The following CACNA1D variants were observed in gnomAD, a reference collection of about 807,000 sequenced individuals.
The protein encoded by CACNA1D is voltage-dependent L-type calcium channel subunit alpha-1D.
In CACNA1D, 55 loss-of-function variants were observed where a neutral mutation model predicts 257.1. The ratio of observed to expected loss-of-function variants is 0.21; its 90% CI spans 0.17 to 0.27. CACNA1D has a LOEUF of 0.27. CACNA1D is among the 10% of genes least tolerant of loss of function. The probability of loss-of-function intolerance (pLI) is 1.00; values close to 1 mark genes in which losing one functional copy is unlikely to be tolerated. For synonymous variants in CACNA1D, 980 were observed against 1,014.9 expected, an observed-to-expected ratio of 0.97 and a Z score of 0.65; for missense variants, 1,876 against 2,784.0, an observed-to-expected ratio of 0.67 and a Z score of 7.34.
At chr3:53,578,174 T>C (rs573565523) in intron 3 of CACNA1D, among the ~76,000 whole-genome samples, 14 of 150,826 alleles carry the variant, frequency 9.3e-5, no homozygotes, top group African/African-American at 3.4e-4. Context: ...AGGTGGAATA[T>C]GGGCAAGTGC....
intron 3 of CACNA1D, among the ~76,000 whole-genome samples, chr3:53,515,129 C>G (rs1337344917): frequency 6.6e-6 from 1 of 152,174 alleles, no homozygotes; most frequent in Non-Finnish European, 1.5e-5. Flanking sequence ...TGAAGCCTGC[C>G]TCTACATGGT....
At chr3:53,656,391 T>C (rs1414939193) in intron 4 of CACNA1D, among the ~76,000 whole-genome samples, 1 of 152,234 alleles carries the variant, frequency 6.6e-6, no homozygotes, top group Non-Finnish European at 1.5e-5. Flanking sequence ...TAATTGATAT[T>C]GAGTCTTCCT....
chr3:53,554,203 A>T (rs1490437953), intron 3 of CACNA1D, among the ~76,000 whole-genome samples: 2 of 152,058 alleles, frequency 1.3e-5, no homozygotes, highest in Non-Finnish European at 2.9e-5. Flanking sequence ...CTCAAAAAAA[A>T]AAAAAAGGTG....
At position 53,673,264 on chromosome 3, in the gene CACNA1D, G is replaced by C; in HGVS notation, c.1220+138G>C. The C allele has an allele frequency of 1.6e-6, 1 of 632,474 alleles. No individual in the cohort carries two copies. The highest frequency in any genetic ancestry group is 2.0e-5 in the South Asian group (1 of 50,050). 39.2% of individuals were successfully genotyped at this position (632,474 alleles called of 1,614,324 possible). On this transcript the variant is annotated intron_variant, in intron 8 of 47. Transcript: ENST00000350061. The surrounding 1 kb of genome is among the most constrained non-coding windows in gnomAD (Gnocchi z 4.1). The stretch of plus-strand genomic sequence containing the variant: ...CCTCTGAGATGCTTTCTTTTCTGCT[G>C]AGGCTTCCCAAATCAAGCTGTTTCC...
At chr3:53,702,846 C>A in intron 9 of CACNA1D, 36 bp downstream of exon 9, 1 of 1,612,202 alleles carries the variant, frequency 6.2e-7, no homozygotes, top group African/African-American at 1.3e-5. Flanking sequence ...GCTAGACAGA[C>A]CCAGTGTGCG....
chr3:53,739,164 G>A (rs976997625), intron 20 of CACNA1D, among the ~76,000 whole-genome samples: 1 of 152,210 alleles, frequency 6.6e-6, no homozygotes, highest in South Asian at 2.1e-4. Flanking sequence ...GTGACTCTTC[G>A]CTGGCATACG....
rs6147823 is a variant in CACNA1D, at chr3:53,782,264, G to GTGTGTATATATATA, written c.4792+598_4792+599insGTGTATATATATAT. ...AGTGTGTGTGTGTGTGTGTGTGTGTGTATATATATATATATATATATATAT... is the reference window on the plus strand; with the variant it reads ...AGTGTGTGTGTGTGTGTGTGTGTGTGTGTGTATATATATATATATATATATATATATATATATAT... On this transcript the variant is annotated intron_variant, in intron 39 of 47. Coordinates refer to ENST00000350061, the MANE Select transcript of CACNA1D (RefSeq NM_001128840.3). 433 of 75,428 alleles carry GTGTGTATATATATA rather than the reference G, an allele frequency of 5.7e-3. 3 individuals carry two copies. Among genetic ancestry groups the GTGTGTATATATATA allele is most frequent in the Admixed American group, 9.3e-3 (50 of 5,394 alleles). The allele number at this position is 75,428 out of a possible 1,614,324, so 4.7% of individuals were successfully genotyped here. A position where few individuals can be genotyped will look rare whatever the true frequency, so the allele number is the denominator to read the frequency against.
intron 3 of CACNA1D, among the ~76,000 whole-genome samples, chr3:53,580,073 C>T (rs1019927878): frequency 1.3e-5 from 2 of 152,200 alleles, no homozygotes; most frequent in Non-Finnish European, 2.9e-5. Context: ...ATGGCATTGC[C>T]CTACAACTGG....
intron 3 of CACNA1D, among the ~76,000 whole-genome samples, chr3:53,514,303 C>T (rs1050940598): frequency 4.0e-5 from 6 of 151,654 alleles, no homozygotes; most frequent in African/African-American, 1.5e-4. Flanking sequence ...GATGCCTAAA[C>T]ACCAAGCGGA....
chr3:53,728,993 A>C lies in CACNA1D; in HGVS notation c.2222-1449A>C, dbSNP rs182707165. On this transcript the variant is annotated intron_variant, in intron 15 of 47. Coordinates refer to ENST00000350061, the MANE Select transcript of CACNA1D (RefSeq NM_001128840.3). ...CATCACTCTGGATTTGCTTTCCACT[A>C]CCCAAAGGAGTTGAGTGTCATGGCA... Among the ~76,000 whole-genome samples, 455 of 152,232 alleles carry C rather than the reference A, an allele frequency of 3.0e-3. 3 individuals are homozygous for C. The highest frequency in any genetic ancestry group is 2.6e-3 in the Non-Finnish European group (175 of 68,012).
intron 3 of CACNA1D, among the ~76,000 whole-genome samples, chr3:53,520,309 GTCTA>G (rs923430535): frequency 2.0e-5 from 3 of 152,162 alleles, no homozygotes; most frequent in East Asian, 1.9e-4. Flanking sequence ...ACTTGTTATT[GTCTA>G]TCTTTTTAAT....
intron 3 of CACNA1D, among the ~76,000 whole-genome samples, chr3:53,526,213 C>T (rs760580507): frequency 2.0e-5 from 3 of 152,196 alleles, no homozygotes; most frequent in Non-Finnish European, 4.4e-5. Context: ...AGGTCATGTG[C>T]GTCACCCCTC....
intron 3 of CACNA1D, among the ~76,000 whole-genome samples, chr3:53,630,049 G>A (rs1181647601): frequency 6.6e-6 from 1 of 152,174 alleles, no homozygotes; most frequent in East Asian, 1.9e-4. Flanking sequence ...TGTTAGGTTG[G>A]TTACTTTAAA....
At chr3:53,740,972 A>G (rs1481060754) in intron 21 of CACNA1D, among the ~76,000 whole-genome samples, 2 of 152,138 alleles carry the variant, frequency 1.3e-5, no homozygotes, top group Non-Finnish European at 2.9e-5. Flanking sequence ...GTGTTAAGGT[A>G]TTTTCTGTCT....
intron 3 of CACNA1D, among the ~76,000 whole-genome samples, chr3:53,507,089 A>AG (rs542096933): frequency 0.043 from 6,388 of 150,250 alleles, 195 homozygotes; most frequent in South Asian, 0.086. Flanking sequence ...AAAAAAAAAA[A>AG]AAAACAAAAA....
At chr3:53,656,946 C>G (rs1383635061) in intron 4 of CACNA1D, among the ~76,000 whole-genome samples, 2 of 152,144 alleles carry the variant, frequency 1.3e-5, no homozygotes, top group African/African-American at 2.4e-5. Context: ...AACTCTCATA[C>G]ACCACTTGTA....
intron 3 of CACNA1D, among the ~76,000 whole-genome samples, chr3:53,573,032 C>G (rs1178571691): frequency 6.6e-6 from 1 of 152,284 alleles, no homozygotes; most frequent in African/African-American, 2.4e-5. Flanking sequence ...ATATTTGTTG[C>G]CACAGAGCTT....
intron 8 of CACNA1D, among the ~76,000 whole-genome samples, chr3:53,683,810 A>G (rs760158608): frequency 3.3e-5 from 5 of 152,208 alleles, no homozygotes; most frequent in Non-Finnish European, 7.3e-5. Context: ...ACAATAAGCA[A>G]TCTGGTGTAT....
At chr3:53,794,139 C>G (rs923963838) in intron 40 of CACNA1D, among the ~76,000 whole-genome samples, 8 of 152,148 alleles carry the variant, frequency 5.3e-5, no homozygotes, top group Admixed American at 4.6e-4. Flanking sequence ...TAATTATGTT[C>G]AGGAGTCTTT....
Sources: gnomAD v4.1 joint callset for allele counts (sites outside exome capture counted in the v4.1 genomes callset) on GRCh38, gnomAD v4.1.1 for gene constraint, Gnocchi (gnomAD v3.1) non-coding constraint, MANE v1.5 for transcripts, NCBI Gene and HGNC (gene_info 2026-07-23, HGNC 2026-07-21) for gene names.